Variants in FAM184B observed in about 807,000 individuals in gnomAD.
FAM184B encodes the protein family with sequence similarity 184 member B, also known as protein FAM184B.
FAM184B carries 111 observed loss-of-function variants against 135.9 expected under a neutral mutation model. The ratio of observed to expected loss-of-function variants is 0.82; its 90% CI spans 0.70 to 0.96. FAM184B has a LOEUF of 0.96. Among genes scored for constraint, FAM184B ranks in the 40% least tolerant of loss-of-function variants. The pLI is 0.00. For missense variants in FAM184B, 1,375 were observed against 1,323.9 expected (o/e 1.04, Z -0.60); for synonymous variants, 552 against 524.8 (o/e 1.05, Z -0.71).
At position 17,631,839 on chromosome 4, in the gene FAM184B, A is replaced by G. The variant is rs1201284655; in HGVS notation, c.*693T>C. ...GCATTTTGGAATTGCATCATTTTACATAGAAACAGCTTTCCAGTGGAGTTG... is the reference window on the plus strand; with the variant it reads ...GCATTTTGGAATTGCATCATTTTACGTAGAAACAGCTTTCCAGTGGAGTTG... On this transcript the variant is annotated 3_prime_UTR_variant, in exon 18 of 18. Coordinates refer to ENST00000265018, the MANE Select transcript of FAM184B (RefSeq NM_015688.2). The G allele has an allele frequency of 6.6e-6, 1 of 152,146 alleles. No individual in the cohort carries two copies. The highest frequency in any genetic ancestry group is 1.5e-5 in the Non-Finnish European group (1 of 68,034). The allele number at this position is 152,146 out of a possible 1,614,324, so 9.4% of individuals were successfully genotyped here.
At chr4:17,734,459 TA>T (rs1322323524) in intron 1 of FAM184B, among the ~76,000 whole-genome samples, 4 of 152,068 alleles carry the variant, frequency 2.6e-5, no homozygotes, top group Non-Finnish European at 1.5e-5. Context: ...ATCCAGAATC[TA>T]CAATGAACTC....
At chr4:17,727,017 A>C (rs532931378) in intron 1 of FAM184B, among the ~76,000 whole-genome samples, 2 of 152,252 alleles carry the variant, frequency 1.3e-5, no homozygotes, top group African/African-American at 4.8e-5. Context: ...GAGTCAGGGT[A>C]CCTGCTCAGT....
intron 1 of FAM184B, among the ~76,000 whole-genome samples, chr4:17,735,596 G>C (rs1376701053): frequency 6.6e-6 from 1 of 151,526 alleles, no homozygotes; most frequent in Non-Finnish European, 1.5e-5. Context: ...CCCTGTCATT[G>C]GCATTTTTTT....
chr4:17,680,970 C>T (rs1409623787), intron 7 of FAM184B, among the ~76,000 whole-genome samples: 2 of 152,066 alleles, frequency 1.3e-5, no homozygotes, highest in African/African-American at 2.4e-5. Context: ...AATAGAACAC[C>T]GAACGTAATG....
chr4:17,683,147 T>C (rs1192451367), intron 7 of FAM184B, among the ~76,000 whole-genome samples: 2 of 152,200 alleles, frequency 1.3e-5, no homozygotes, highest in Non-Finnish European at 2.9e-5. Context: ...GCCAAAACTG[T>C]TTGAACTACA....
intron 7 of FAM184B, among the ~76,000 whole-genome samples, chr4:17,687,713 GTTT>G (rs904427383): frequency 6.6e-6 from 1 of 152,152 alleles, no homozygotes; most frequent in Non-Finnish European, 1.5e-5. Flanking sequence ...GGAGTGACGT[GTTT>G]GCAAGGAAGA....
In FAM184B at chr4:17,781,311, G is replaced by T. The variant is rs1439751183; in HGVS notation, c.-12C>A. The T allele has an allele frequency of 6.6e-7, 1 of 1,523,722 alleles. No individual in the cohort carries two copies. The highest frequency in any genetic ancestry group is 1.2e-5 in the South Asian group (1 of 81,900). 94.4% of individuals were successfully genotyped at this position (1,523,722 alleles called of 1,614,324 possible). ...AGAGCAGAAGCCATCGCTAAAACGCGCCCAGCACTCAGACTCTCTCGTTTT... is the reference window on the plus strand; with the variant it reads ...AGAGCAGAAGCCATCGCTAAAACGCTCCCAGCACTCAGACTCTCTCGTTTT... On this transcript the variant is annotated 5_prime_UTR_variant, in exon 1 of 18. Coordinates refer to ENST00000265018, the MANE Select transcript of FAM184B (RefSeq NM_015688.2). The surrounding 1 kb of genome is among the most constrained non-coding windows in gnomAD (Gnocchi z 6.5).
intron 9 of FAM184B, 140 bp from the exon 10 acceptor site, chr4:17,658,702 C>T (rs537426870): frequency 3.9e-5 from 33 of 845,228 alleles, no homozygotes; most frequent in Non-Finnish European, 5.6e-5. Context: ...ATGGAAGCTG[C>T]AAGCTTTAAG....
chr4:17,741,647 T>C (rs1269919960), intron 1 of FAM184B, among the ~76,000 whole-genome samples: 4 of 152,090 alleles, frequency 2.6e-5, no homozygotes, highest in Non-Finnish European at 5.9e-5. Flanking sequence ...GAGCCGAGAT[T>C]GCACCACTGC....
At chr4:17,712,615 T>C (rs1366406337) in intron 1 of FAM184B, among the ~76,000 whole-genome samples, 2 of 152,202 alleles carry the variant, frequency 1.3e-5, no homozygotes, top group Non-Finnish European at 2.9e-5. Context: ...GCACTCCTTG[T>C]AGTCTTGAGT....
At chr4:17,672,960 A>G (rs1716212242) in intron 7 of FAM184B, among the ~76,000 whole-genome samples, 1 of 151,980 alleles carries the variant, frequency 6.6e-6, no homozygotes, top group African/African-American at 2.4e-5. Context: ...GTTGGTACCA[A>G]TAAGGAACAG....
intron 1 of FAM184B, among the ~76,000 whole-genome samples, chr4:17,763,627 A>G (rs1164328602): frequency 6.6e-6 from 1 of 152,150 alleles, no homozygotes; most frequent in African/African-American, 2.4e-5. Context: ...TGTCTGCTGT[A>G]TTAATTTCTC....
intron 15 of FAM184B, 57 bp downstream of exon 15, chr4:17,636,471 G>A: frequency 7.4e-7 from 1 of 1,356,626 alleles, no homozygotes; most frequent in Non-Finnish European, 1.0e-6. Flanking sequence ...GCCCCTCCCG[G>A]GGGAGCCCGC....
At chr4:17,643,558 G>A (rs761374213) in intron 12 of FAM184B, among the ~76,000 whole-genome samples, 24 of 151,928 alleles carry the variant, frequency 1.6e-4, no homozygotes, top group Non-Finnish European at 3.1e-4. Flanking sequence ...CACATTTCCC[G>A]TCCCCTCCCA....
At position 17,693,174 on chromosome 4, in the gene FAM184B, C is replaced by G; in HGVS notation, c.1488+128G>C. 4.7e-6 allele frequency: 3 copies of G among 639,656 alleles called. No homozygotes were observed. In the South Asian group the frequency reaches 6.0e-5, roughly 13 times the overall value. The allele number at this position is 639,656 out of a possible 1,614,324, so 39.6% of individuals were successfully genotyped here. ...GTTACTTGCAGCTAAATGCACGCCC[C>G]CCGAGACAGCCTGCCTGTCTGGCTG... On this transcript the variant is annotated intron_variant, in intron 6 of 17. Coordinates refer to ENST00000265018, the MANE Select transcript of FAM184B (RefSeq NM_015688.2).
At chr4:17,779,425 T>C (rs1718992349) in intron 1 of FAM184B, among the ~76,000 whole-genome samples, 1 of 152,230 alleles carries the variant, frequency 6.6e-6, no homozygotes, top group Non-Finnish European at 1.5e-5. Context: ...ATGCAGAATA[T>C]ACTTTAAGAA....
At position 17,633,870 on chromosome 4, in the gene FAM184B, C is replaced by T. The variant is rs1560162294; in HGVS notation, c.2908G>A (p.Val970Met). The T allele has an allele frequency of 2.6e-6, 4 of 1,549,180 alleles. No homozygotes were observed. The highest frequency in any genetic ancestry group is 3.5e-6 in the Non-Finnish European group (4 of 1,145,816). ...GGCACGCTGACCACGCGGCTGGGCA[C>T]GTCCTCCACCTTCTTTTTCTGTTTG... ...PSMKKKKVEDVPSRVVSVPNL... is the reference protein window; with the variant it reads ...PSMKKKKVEDMPSRVVSVPNL... Residue 970 changes from valine to methionine, a missense_variant, in exon 17 of 18, where the codon GTG becomes ATG. Coordinates refer to ENST00000265018, the MANE Select transcript of FAM184B (RefSeq NM_015688.2).
At chr4:17,751,822 G>GGC (rs924931228) in intron 1 of FAM184B, among the ~76,000 whole-genome samples, 18 of 23,128 alleles carry the variant, frequency 7.8e-4, no homozygotes, top group Admixed American at 2.0e-3. Context: ...CTAAAAACAA[G>GGC]GCACACACAC....
intron 6 of FAM184B, among the ~76,000 whole-genome samples, chr4:17,690,676 G>A (rs546591886): frequency 2.6e-4 from 39 of 152,304 alleles, no homozygotes; most frequent in South Asian, 1.5e-3. Flanking sequence ...CTTAAACTGC[G>A]TCTTGCTAAG....
Sources: allele counts gnomAD v4.1 joint callset (sites outside exome capture counted in the v4.1 genomes callset), GRCh38; gene constraint gnomAD v4.1.1; non-coding constraint Gnocchi (gnomAD v3.1); transcripts MANE v1.5; gene names NCBI Gene and HGNC (gene_info 2026-07-23, HGNC 2026-07-21).